Variants in NEK11 observed in about 807,000 individuals in gnomAD.
NEK11 encodes the protein NIMA related kinase 11, also known as serine/threonine-protein kinase Nek11.
Under a neutral mutation model 80.7 loss-of-function variants are expected in NEK11, and 72 were observed. That is an observed-to-expected ratio of 0.89 (90% CI 0.74 to 1.08). The LOEUF is 1.08. Ranked by LOEUF, NEK11 falls within the 50% of genes least tolerant of loss-of-function variation. The pLI is 0.00. For synonymous variants in NEK11, 251 were observed against 260.7 expected (o/e 0.96, Z 0.36); for missense variants, 764 against 763.6 (o/e 1.00, Z -0.01).
chr3:131,325,553 T>G (rs1175157205), intron 17 of NEK11: 1 of 152,214 alleles, frequency 6.6e-6, no homozygotes, highest in Non-Finnish European at 1.5e-5. Context: ...CACTGTATTA[T>G]ACTTTATATC....
intron 16 of NEK11, among the ~76,000 whole-genome samples, chr3:131,272,044 G>A (rs2096199468): frequency 6.6e-6 from 1 of 151,998 alleles, no homozygotes; most frequent in Non-Finnish European, 1.5e-5. Context: ...AGGTTGCGGT[G>A]AGCCGAGATC....
chr3:131,247,358 C>T lies in NEK11; in HGVS notation c.1621+3862C>T, dbSNP rs573644871. 2.6e-5 allele frequency among the ~76,000 whole-genome samples: 4 copies of T among 152,212 alleles called. No homozygotes were observed. The South Asian group carries it at 6.2e-4, about 24-fold the overall frequency. On this transcript the variant is annotated intron_variant, in intron 16 of 17. Coordinates refer to ENST00000383366, the MANE Select transcript of NEK11 (RefSeq NM_024800.5). ...ATGTGACTTGCCAATTATCCCAGCACGATTTGTTGAATAGGGTGTCCATTT... is the reference window on the plus strand; with the variant it reads ...ATGTGACTTGCCAATTATCCCAGCATGATTTGTTGAATAGGGTGTCCATTT...
At chr3:131,193,886 T>G (rs551195744) in intron 14 of NEK11, among the ~76,000 whole-genome samples, 4 of 152,088 alleles carry the variant, frequency 2.6e-5, no homozygotes, top group Non-Finnish European at 5.9e-5. Flanking sequence ...GGCACAGCAG[T>G]TTTTCATCAC....
chr3:131,281,720 G>A (rs2096399023), intron 17 of NEK11, among the ~76,000 whole-genome samples: 1 of 152,192 alleles, frequency 6.6e-6, no homozygotes, highest in Admixed American at 6.5e-5. Flanking sequence ...CAAAGTATGA[G>A]AGTGTTGTTT....
intron 14 of NEK11, among the ~76,000 whole-genome samples, chr3:131,204,400 G>A (rs1389618184): frequency 5.9e-5 from 9 of 152,194 alleles, no homozygotes; most frequent in Non-Finnish European, 1.2e-4. Flanking sequence ...TTTATAGCCA[G>A]TTGATCAGAA....
chr3:131,305,129 C>T (rs536079224), intron 17 of NEK11, among the ~76,000 whole-genome samples: 36 of 151,724 alleles, frequency 2.4e-4, no homozygotes, highest in African/African-American at 8.7e-4. Context: ...TACGCTCACA[C>T]CAGCAGAAGC....
At chr3:131,335,112 C>T (rs2097159477) in intron 17 of NEK11, among the ~76,000 whole-genome samples, 1 of 152,202 alleles carries the variant, frequency 6.6e-6, no homozygotes, top group Admixed American at 6.5e-5. Context: ...CTCCCTAACT[C>T]ATTTTATGAG....
At chr3:131,041,746 T>C (rs904546552) in intron 3 of NEK11, among the ~76,000 whole-genome samples, 2 of 152,212 alleles carry the variant, frequency 1.3e-5, no homozygotes, top group Admixed American at 6.5e-5. Flanking sequence ...GAACTCAGTA[T>C]TGAGTACTTG....
chr3:131,224,709 G>A (rs2095138337), intron 14 of NEK11, among the ~76,000 whole-genome samples: 1 of 152,164 alleles, frequency 6.6e-6, no homozygotes, highest in African/African-American at 2.4e-5. Flanking sequence ...GACAAGATGT[G>A]GAGGTGGAAG....
At chr3:131,247,013 T>C (rs1473163305) in intron 16 of NEK11, among the ~76,000 whole-genome samples, 1 of 152,168 alleles carries the variant, frequency 6.6e-6, no homozygotes. Context: ...AGATTCTGAA[T>C]ATTAGTGCTT....
chr3:131,108,522 A>G (rs2079553072), intron 4 of NEK11, among the ~76,000 whole-genome samples: 2 of 152,152 alleles, frequency 1.3e-5, no homozygotes, highest in Non-Finnish European at 2.9e-5. Flanking sequence ...TTACAGTAAA[A>G]TGGATCAGGT....
chr3:131,063,022 T>A (rs1048216716), intron 3 of NEK11, among the ~76,000 whole-genome samples: 3 of 152,122 alleles, frequency 2.0e-5, no homozygotes, highest in Non-Finnish European at 2.9e-5. Flanking sequence ...TTTTAAAAAA[T>A]TATTATTTTT....
intron 5 of NEK11, among the ~76,000 whole-genome samples, chr3:131,115,967 T>TTTCTTTCTTTCTTTCC (rs2081117825): frequency 6.8e-6 from 1 of 147,032 alleles, no homozygotes; most frequent in Non-Finnish European, 1.5e-5. Flanking sequence ...TCTTTCTTTC[T>TTTCTTTCTTTCTTTCC]TTCTTTCTTT....
chr3:131,129,563 T>G (rs2084036394), intron 5 of NEK11, among the ~76,000 whole-genome samples: 1 of 152,210 alleles, frequency 6.6e-6, no homozygotes, highest in Non-Finnish European at 1.5e-5. Context: ...CATATTATTT[T>G]CTAGCAGTTT....
At chr3:131,321,796 C>T (rs1251732123) in intron 17 of NEK11, among the ~76,000 whole-genome samples, 1 of 152,188 alleles carries the variant, frequency 6.6e-6, no homozygotes, top group East Asian at 1.9e-4. Flanking sequence ...GAGATACCAT[C>T]TCACATCAGT....
chr3:131,292,467 T>TA (rs1318286369), intron 17 of NEK11, among the ~76,000 whole-genome samples: 20 of 152,212 alleles, frequency 1.3e-4, no homozygotes, highest in African/African-American at 4.3e-4. Flanking sequence ...CTGGGATTTT[T>TA]ATTGGGATTG....
intron 16 of NEK11, among the ~76,000 whole-genome samples, chr3:131,248,341 TAGATGATC>T (rs1178603666): frequency 6.6e-6 from 1 of 152,138 alleles, no homozygotes; most frequent in Non-Finnish European, 1.5e-5. Context: ...TGCATCTATA[TAGATGATC>T]ATATGGTTCT....
intron 11 of NEK11, among the ~76,000 whole-genome samples, chr3:131,164,012 C>T (rs917662117): frequency 9.2e-5 from 14 of 152,154 alleles, no homozygotes; most frequent in East Asian, 1.9e-4. Flanking sequence ...CACAAATCTA[C>T]GCATTTTGTT....
chr3:131,142,272 G>T (rs991712941), intron 7 of NEK11, among the ~76,000 whole-genome samples: 1 of 152,282 alleles, frequency 6.6e-6, no homozygotes, highest in East Asian at 1.9e-4. Context: ...AAGAATATTC[G>T]CAAAGAGCAA....
Sources: gnomAD v4.1 joint callset for allele counts (sites outside exome capture counted in the v4.1 genomes callset) on GRCh38, gnomAD v4.1.1 for gene constraint, MANE v1.5 for transcripts, NCBI Gene and HGNC (gene_info 2026-07-23, HGNC 2026-07-21) for gene names.